The following CNMD variants were observed in gnomAD, a reference collection of about 807,000 sequenced individuals.
CNMD encodes leukocyte cell-derived chemotaxin 1.
Under a neutral mutation model 37.5 loss-of-function variants are expected in CNMD, and 30 were observed. That is an observed-to-expected ratio of 0.80 (90% CI 0.60 to 1.09). The LOEUF is 1.09. CNMD is among the 50% of genes least tolerant of loss of function. CNMD has a pLI of 0.00. For missense variants in CNMD, 398 were observed against 423.9 expected (o/e 0.94, Z 0.54); for synonymous variants, 167 against 148.2 (o/e 1.13, Z -0.92).
chr13:52,715,010 A>C (rs923557335), intron 4 of CNMD, among the ~76,000 whole-genome samples: 2 of 151,744 alleles, frequency 1.3e-5, no homozygotes, highest in African/African-American at 2.4e-5. Flanking sequence ...TTCTTTTTTT[A>C]TTTTTAATTT....
intron 5 of CNMD, among the ~76,000 whole-genome samples, chr13:52,709,955 G>A (rs539723308): frequency 6.6e-6 from 1 of 152,148 alleles, no homozygotes; most frequent in East Asian, 1.9e-4. Flanking sequence ...CCTGGGTGAC[G>A]AGTGAAACTC....
intron 3 of CNMD, among the ~76,000 whole-genome samples, chr13:52,731,489 A>C (rs561935523): frequency 6.6e-6 from 1 of 152,228 alleles, no homozygotes; most frequent in Non-Finnish European, 1.5e-5. Flanking sequence ...TCCATCAAAA[A>C]AAATGTTCTA....
At position 52,712,717 on chromosome 13, in the gene CNMD, T is replaced by G. The variant is rs1964309198; in HGVS notation, c.621A>C (p.Lys207Asn). 6.6e-6 allele frequency: 10 copies of G among 1,507,942 alleles called. No homozygotes were observed. In the East Asian group the frequency reaches 2.4e-4, roughly 36 times the overall value. 93.4% of individuals were successfully genotyped at this position (1,507,942 alleles called of 1,614,324 possible). The change falls in exon 5 of 7, where the codon AAA becomes AAC. Residue 207 changes from lysine to asparagine, a missense_variant and splice_region_variant. By Grantham distance (94) the Lys-to-Asn change is moderately conservative. Coordinates refer to ENST00000377962, the MANE Select transcript of CNMD (RefSeq NM_007015.3). ...GCTTAAGATAATTTAAAATGTTACCTTTTGGATAGGTTGGTTTAAGCCAGA... is the reference window on the plus strand; with the variant it reads ...GCTTAAGATAATTTAAAATGTTACCGTTTGGATAGGTTGGTTTAAGCCAGA... ...PIFWLKPTYP[K>N]EIQRERREVV...
At chr13:52,705,287 C>T (rs1964155671) in intron 6 of CNMD, among the ~76,000 whole-genome samples, 1 of 152,234 alleles carries the variant, frequency 6.6e-6, no homozygotes, top group Non-Finnish European at 1.5e-5. Context: ...TGTGACATTT[C>T]TTCCATAAAT....
chr13:52,710,009 G>A, intron 5 of CNMD, among the ~76,000 whole-genome samples: 1 of 152,036 alleles, frequency 6.6e-6, no homozygotes, highest in Non-Finnish European at 1.5e-5. Context: ...TTGGATTTTG[G>A]TGTCTCTCTG....
rs1215275651 is a variant in CNMD, at chr13:52,724,077, TC to T, written c.387del (p.Lys130SerfsTer8). On this transcript the variant is annotated frameshift_variant, in exon 4 of 7. Transcript: ENST00000377962. LOFTEE classifies it high-confidence loss of function. ...TTCACTTGCGCTTTAATGTAGCACT[TC>T]TCTCCTCCAGCAAAACGAATTCCTG... ...GITGIRFAGGEKCYIKAQVKA... is the reference protein window; with the variant it reads ...GITGIRFAGGXKCYIKAQVKA... 1 of 1,613,992 alleles carries T rather than the reference TC, an allele frequency of 6.2e-7. No homozygotes were observed. Among genetic ancestry groups the T allele is most frequent in the East Asian group, 2.2e-5 (1 of 44,862 alleles).
At chr13:52,712,374 A>G (rs1008183941) in intron 5 of CNMD, among the ~76,000 whole-genome samples, 2 of 151,936 alleles carry the variant, frequency 1.3e-5, no homozygotes, top group African/African-American at 4.9e-5. Flanking sequence ...TCTATGCCTT[A>G]GAAATAAAAA....
At chr13:52,710,369 C>A (rs142901520) in intron 5 of CNMD, among the ~76,000 whole-genome samples, 1 of 152,234 alleles carries the variant, frequency 6.6e-6, no homozygotes, top group South Asian at 2.1e-4. Context: ...GTTACCCCAA[C>A]AGTTGTTGGC....
chr13:52,716,840 T>C (rs1159847044), intron 4 of CNMD, among the ~76,000 whole-genome samples: 1 of 152,198 alleles, frequency 6.6e-6, no homozygotes, highest in Non-Finnish European at 1.5e-5. Context: ...GGCTCTTTTT[T>C]GGTTCCACGT....
intron 3 of CNMD, among the ~76,000 whole-genome samples, chr13:52,730,705 G>T (rs537570196): frequency 1.3e-4 from 20 of 152,178 alleles, no homozygotes; most frequent in African/African-American, 4.3e-4. Flanking sequence ...TTATATAAAT[G>T]GGGCATTCAG....
intron 4 of CNMD, among the ~76,000 whole-genome samples, chr13:52,717,033 G>T (rs1964400655): frequency 6.6e-6 from 1 of 152,170 alleles, no homozygotes; most frequent in Non-Finnish European, 1.5e-5. Flanking sequence ...TTGAGCAGTG[G>T]TTTGTAGTTC....
intron 3 of CNMD, 21 bp downstream of exon 3, chr13:52,733,198 A>G (rs1221346557): frequency 1.2e-6 from 2 of 1,613,610 alleles, no homozygotes; most frequent in Non-Finnish European, 1.7e-6. Flanking sequence ...TAAATTCTCT[A>G]AATGCATGAA....
chr13:52,738,094 G>A (rs552385343), intron 2 of CNMD, among the ~76,000 whole-genome samples: 75 of 152,314 alleles, frequency 4.9e-4, no homozygotes, highest in African/African-American at 1.6e-3. Flanking sequence ...TTTCATGGTA[G>A]GAGAGAGGAA....
At chr13:52,736,772 GAAAATGTCTAGA>G (rs1964774458) in intron 2 of CNMD, among the ~76,000 whole-genome samples, 1 of 152,160 alleles carries the variant, frequency 6.6e-6, no homozygotes, top group African/African-American at 2.4e-5. Context: ...TAATGTTTGG[GAAAATGTCTAGA>G]AAAATTAGTC....
intron 3 of CNMD, among the ~76,000 whole-genome samples, chr13:52,724,317 T>C (rs1964534795): frequency 6.9e-6 from 1 of 144,650 alleles, no homozygotes. Flanking sequence ...CTCACGCCTG[T>C]AATCCCAGCA....
chr13:52,706,353 A>G (rs759250689), intron 6 of CNMD, among the ~76,000 whole-genome samples: 19 of 152,336 alleles, frequency 1.2e-4, no homozygotes, highest in Non-Finnish European at 2.1e-4. Flanking sequence ...TTCGGTATTT[A>G]TGCTAAAGGT....
At chr13:52,710,513 G>A (rs1158633669) in intron 5 of CNMD, among the ~76,000 whole-genome samples, 2 of 152,218 alleles carry the variant, frequency 1.3e-5, no homozygotes, top group Admixed American at 6.5e-5. Context: ...TAATACAGCT[G>A]TGTGACACTG....
At position 52,736,234 on chromosome 13, in the gene CNMD, G is replaced by T. The variant is rs543161148; in HGVS notation, c.213+2797C>A. Among the ~76,000 whole-genome samples, 689 of 152,270 alleles carry T rather than the reference G, an allele frequency of 4.5e-3. 6 individuals are homozygous for T. The highest frequency in any genetic ancestry group is 7.7e-3 in the Non-Finnish European group (524 of 68,010). On this transcript the variant is annotated intron_variant, in intron 2 of 6. Transcript: ENST00000377962. ...TGGTCTCCATCTCCTGACCTCGTGA[G>T]CCGCCCGCCTCGGCCTCCCGAAGTG...
At chr13:52,720,886 G>A (rs1964471402) in intron 4 of CNMD, among the ~76,000 whole-genome samples, 1 of 152,222 alleles carries the variant, frequency 6.6e-6, no homozygotes, top group Middle Eastern at 3.2e-3. Flanking sequence ...GTTTAAGTCT[G>A]CTGAAGCTGT....
Sources: allele counts gnomAD v4.1 joint callset (sites outside exome capture counted in the v4.1 genomes callset), GRCh38; gene constraint gnomAD v4.1.1; transcripts MANE v1.5; gene names NCBI Gene and HGNC (gene_info 2026-07-23, HGNC 2026-07-21).